The following SIPA1L2 variants were observed in gnomAD, a reference collection of about 807,000 sequenced individuals.
SIPA1L2 encodes signal-induced proliferation-associated 1-like protein 2.
A neutral mutation model predicts 163.9 loss-of-function variants in SIPA1L2; 56 were observed. The observed-to-expected ratio is 0.34, with a 90% CI of 0.28 to 0.43. The LOEUF is 0.43. Ranked by LOEUF, SIPA1L2 falls within the 20% of genes least tolerant of loss-of-function variation. The probability of loss-of-function intolerance (pLI) is 1.00; values close to 1 mark genes in which losing one functional copy is unlikely to be tolerated. For missense variants in SIPA1L2, 1,974 were observed against 2,193.5 expected, an observed-to-expected ratio of 0.90 and a Z score of 2.00; for synonymous variants, 877 against 865.7, an observed-to-expected ratio of 1.01 and a Z score of -0.23.
chr1:232,568,166 A>G (rs1393335801), intron 2 of SIPA1L2, among the ~76,000 whole-genome samples: 2 of 152,188 alleles, frequency 1.3e-5, no homozygotes, highest in African/African-American at 4.8e-5. Context: ...ATCATATCCA[A>G]CGAGGGCGTT....
At chr1:232,581,335 G>T (rs1216235036) in intron 1 of SIPA1L2, among the ~76,000 whole-genome samples, 1 of 152,166 alleles carries the variant, frequency 6.6e-6, no homozygotes, top group Non-Finnish European at 1.5e-5. Flanking sequence ...AAGAAGTTCA[G>T]TTCTGCCAAA....
At chr1:232,443,088 T>C (rs933152234) in intron 12 of SIPA1L2, among the ~76,000 whole-genome samples, 1 of 152,134 alleles carries the variant, frequency 6.6e-6, no homozygotes, top group Non-Finnish European at 1.5e-5. Context: ...TGCTCCCTCT[T>C]CTCTTCCCAG....
At chr1:232,423,805 A>G (rs950316540) in intron 18 of SIPA1L2, among the ~76,000 whole-genome samples, 15 of 152,354 alleles carry the variant, frequency 9.8e-5, no homozygotes, top group Admixed American at 9.8e-4. Flanking sequence ...TCAGCTGTAA[A>G]AAGAAATGAG....
intron 3 of SIPA1L2, among the ~76,000 whole-genome samples, chr1:232,500,576 A>G (rs1666417066): frequency 6.6e-6 from 1 of 152,360 alleles, no homozygotes; most frequent in South Asian, 2.1e-4. Context: ...CAAGAGAACT[A>G]GAATTAGAAA....
intron 1 of SIPA1L2, among the ~76,000 whole-genome samples, chr1:232,574,869 TTTA>T (rs1210585897): frequency 6.6e-6 from 1 of 152,172 alleles, no homozygotes; most frequent in Non-Finnish European, 1.5e-5. Flanking sequence ...ACTAAAACAC[TTTA>T]TATATGTTAT....
At chr1:232,422,965 C>A (rs920703143) in intron 18 of SIPA1L2, among the ~76,000 whole-genome samples, 2 of 152,038 alleles carry the variant, frequency 1.3e-5, no homozygotes, top group African/African-American at 2.4e-5. Context: ...CTTAATGGTG[C>A]AAAAGTGATA....
At chr1:232,506,037 G>A (rs1488161410) in intron 3 of SIPA1L2, among the ~76,000 whole-genome samples, 1 of 152,114 alleles carries the variant, frequency 6.6e-6, no homozygotes, top group Admixed American at 6.5e-5. Context: ...GTGTAGGCCC[G>A]CCTACAACTG....
rs557160483 is a variant in SIPA1L2 at position 232,470,433 on chromosome 1, T to C, written c.2243+938A>G. Among the ~76,000 whole-genome samples the C allele has an allele frequency of 3.9e-5, 6 of 152,290 alleles. No individual in the cohort carries two copies. In the East Asian group the frequency reaches 1.2e-3, roughly 29 times the overall value. On this transcript the variant is annotated intron_variant, in intron 8 of 22. Coordinates refer to ENST00000674635, the MANE Select transcript of SIPA1L2 (RefSeq NM_020808.5). Reference sequence around the variant, plus strand: ...TTTGTTCTAAGATGGCTTGGGCATCTGTAGGGTGGGATGTAAAATGGCAAC... The same window carrying C: ...TTTGTTCTAAGATGGCTTGGGCATCCGTAGGGTGGGATGTAAAATGGCAAC...
intron 4 of SIPA1L2, among the ~76,000 whole-genome samples, chr1:232,491,882 A>G (rs775410223): frequency 1.3e-5 from 2 of 152,214 alleles, no homozygotes; most frequent in African/African-American, 2.4e-5. Context: ...AATGTTCTCT[A>G]TCTATACTAA....
intron 5 of SIPA1L2, 56 bp from the exon 6 acceptor site, chr1:232,484,022 C>G (rs1314862284): frequency 6.4e-5 from 96 of 1,509,744 alleles, no homozygotes; most frequent in Non-Finnish European, 8.4e-5. Context: ...AAGCTAACTT[C>G]CAGTAAAATT....
At chr1:232,610,152 A>G (rs765351624) in intron 1 of SIPA1L2, among the ~76,000 whole-genome samples, 9 of 152,248 alleles carry the variant, frequency 5.9e-5, no homozygotes, top group Non-Finnish European at 1.0e-4. Flanking sequence ...AAATCTAACA[A>G]TAAAAATTGA....
chr1:232,436,812 T>C (rs984143225), intron 15 of SIPA1L2, among the ~76,000 whole-genome samples: 9 of 152,136 alleles, frequency 5.9e-5, no homozygotes, highest in African/African-American at 2.2e-4. Context: ...CAAGAGGAAG[T>C]GTTAAAAAGA....
intron 1 of SIPA1L2, among the ~76,000 whole-genome samples, chr1:232,577,351 T>G (rs1484064719): frequency 6.6e-6 from 1 of 152,228 alleles, no homozygotes; most frequent in African/African-American, 2.4e-5. Flanking sequence ...TGACAATGCA[T>G]CTGGTTATCC....
chr1:232,416,549 C>A (rs1661276332), intron 18 of SIPA1L2, among the ~76,000 whole-genome samples: 1 of 152,192 alleles, frequency 6.6e-6, no homozygotes, highest in African/African-American at 2.4e-5. Context: ...GTTTACGTTG[C>A]TGTAAGAAGT....
intron 2 of SIPA1L2, among the ~76,000 whole-genome samples, chr1:232,551,741 A>G (rs1357971725): frequency 5.3e-5 from 8 of 152,256 alleles, no homozygotes; most frequent in African/African-American, 1.9e-4. Flanking sequence ...CCTTTTAAAA[A>G]GCTACAGCCG....
chr1:232,534,547 T>A (rs926667890), intron 2 of SIPA1L2, among the ~76,000 whole-genome samples: 1 of 152,196 alleles, frequency 6.6e-6, no homozygotes, highest in Non-Finnish European at 1.5e-5. Flanking sequence ...GTGCCCTTCA[T>A]CAACACTGAA....
Position 232,402,468 on chromosome 1 carries a change from C to T in SIPA1L2, c.4946G>A (p.Arg1649His), listed in dbSNP as rs753321693. ...TTTCCCGGTCAGTGGTGATGGAGAA[C>T]GCTCCCTAGCAAATAAGGATAGAAT... ...GKEFMDTTGE[R>H]SPSPLTGKVN... The change falls in exon 22 of 23, where the codon CGT becomes CAT. Residue 1649 changes from arginine to histidine, a missense_variant. Arg to His is a conservative substitution (Grantham distance 29, BLOSUM62 0). Around this residue, in one of 3 missense-constraint regions of SIPA1L2, gnomAD observed 1,079 missense variants for 1,150.7 expected, o/e 0.94. Coordinates refer to ENST00000674635, the MANE Select transcript of SIPA1L2 (RefSeq NM_020808.5). 17 of 1,612,650 alleles carry T rather than the reference C, an allele frequency of 1.1e-5. No individual in the cohort carries two copies. Among genetic ancestry groups the T allele is most frequent in the Middle Eastern group, 1.6e-4 (1 of 6,076 alleles).
intron 14 of SIPA1L2, among the ~76,000 whole-genome samples, chr1:232,440,126 T>C (rs1206345877): frequency 2.6e-5 from 4 of 152,204 alleles, no homozygotes; most frequent in African/African-American, 9.7e-5. Flanking sequence ...TGGGAGTCTA[T>C]TGAGAGTAAA....
chr1:232,513,894 A>C lies in SIPA1L2; in HGVS notation c.1446T>G (p.Leu482=). ...AGAATTTGCGGTAATAATAGGCCCC[A>C]AGGTCAATGTGTTCTATGATGTAGC... The part of the protein sequence containing the change: ...VKRYIIEHID[L]GAYYYRKFFY... The change falls in exon 3 of 23, where the codon CTT becomes CTG. Residue 482 remains leucine, a synonymous_variant. Coordinates refer to ENST00000674635, the MANE Select transcript of SIPA1L2 (RefSeq NM_020808.5). 1.2e-6 allele frequency: 2 copies of C among 1,602,252 alleles called. No individual in the cohort carries two copies. Among genetic ancestry groups the C allele is most frequent in the Non-Finnish European group, 1.7e-6 (2 of 1,175,936 alleles).
Sources: gnomAD v4.1 joint callset for allele counts (sites outside exome capture counted in the v4.1 genomes callset) on GRCh38, gnomAD v4.1.1 for gene constraint, gnomAD v4.1.1 regional missense constraint, MANE v1.5 for transcripts, NCBI Gene and HGNC (gene_info 2026-07-23, HGNC 2026-07-21) for gene names.